The following MTMR7 variants were observed in gnomAD, a reference collection of about 807,000 sequenced individuals.
The protein encoded by MTMR7 is phosphatidylinositol-3-phosphate phosphatase MTMR7.
In MTMR7, 76 loss-of-function variants were observed where a neutral mutation model predicts 81.2. The ratio of observed to expected loss-of-function variants is 0.94; its 90% CI spans 0.78 to 1.13. The LOEUF is 1.13. Ranked by LOEUF, MTMR7 falls within the 50% of genes most tolerant of loss-of-function variation. The pLI is 0.00. For synonymous variants in MTMR7, 372 were observed against 289.8 expected (o/e 1.28, Z -2.88); for missense variants, 1,044 against 820.0 (o/e 1.27, Z -3.34).
At chr8:17,324,179 G>C (rs905322042) in intron 7 of MTMR7, among the ~76,000 whole-genome samples, 12 of 152,140 alleles carry the variant, frequency 7.9e-5, no homozygotes, top group African/African-American at 2.9e-4. Context: ...GTCAAAATTG[G>C]TTACTTCTTT....
Position 17,302,297 on chromosome 8 carries a change from A to G in MTMR7, c.1494-17T>C. 1 of 1,611,740 alleles carries G rather than the reference A, an allele frequency of 6.2e-7. No individual in the cohort carries two copies. Among genetic ancestry groups the G allele is most frequent in the Non-Finnish European group, 8.5e-7 (1 of 1,178,982 alleles). On this transcript the variant is annotated splice_polypyrimidine_tract_variant and intron_variant, in intron 12 of 13. Transcript: ENST00000180173. ...CTCCAAAACCTGGAAAGGATGGCAAAGCGTCGTGATACCACCTTATCACAG... is the reference window on the plus strand; with the variant it reads ...CTCCAAAACCTGGAAAGGATGGCAAGGCGTCGTGATACCACCTTATCACAG...
chr8:17,361,357 G>A (rs1276798106), intron 3 of MTMR7, 83 bp from the exon 4 acceptor site: 2 of 1,519,236 alleles, frequency 1.3e-6, no homozygotes, highest in Non-Finnish European at 1.8e-6. Context: ...TGTCCCACCT[G>A]GAGTGCCCAG....
At chr8:17,373,975 G>T (rs2150567155) in intron 1 of MTMR7, among the ~76,000 whole-genome samples, 1 of 152,270 alleles carries the variant, frequency 6.6e-6, no homozygotes, top group African/African-American at 2.4e-5. Context: ...TCTCTACAGA[G>T]CGAGAGAAAA....
intron 1 of MTMR7, among the ~76,000 whole-genome samples, chr8:17,395,632 G>C (rs1821223723): frequency 1.3e-5 from 2 of 152,178 alleles, no homozygotes; most frequent in African/African-American, 4.8e-5. Context: ...TGGGTATAAA[G>C]TGGTATCTTA....
At chr8:17,352,696 C>T (rs1046457559) in intron 4 of MTMR7, among the ~76,000 whole-genome samples, 2 of 152,012 alleles carry the variant, frequency 1.3e-5, no homozygotes, top group African/African-American at 4.8e-5. Flanking sequence ...TAGTAAATTG[C>T]GTATCTTAGG....
chr8:17,372,083 A>G (rs539028980), intron 2 of MTMR7, among the ~76,000 whole-genome samples: 1 of 152,040 alleles, frequency 6.6e-6, no homozygotes, highest in Admixed American at 6.6e-5. Context: ...TCTAAAGAGG[A>G]GATTAACTTT....
At chr8:17,351,757 G>C (rs1819735572) in intron 4 of MTMR7, among the ~76,000 whole-genome samples, 1 of 152,200 alleles carries the variant, frequency 6.6e-6, no homozygotes, top group African/African-American at 2.4e-5. Flanking sequence ...TACTTGCTCG[G>C]GGAACTCTAA....
At chr8:17,331,448 A>T (rs1819000180) in intron 6 of MTMR7, among the ~76,000 whole-genome samples, 166 bp from the exon 7 acceptor site, 1 of 152,246 alleles carries the variant, frequency 6.6e-6, no homozygotes, top group Non-Finnish European at 1.5e-5. Flanking sequence ...ACATAGCTTC[A>T]GGGACTCCTG....
At chr8:17,382,589 T>A (rs1820792950) in intron 1 of MTMR7, among the ~76,000 whole-genome samples, 1 of 152,344 alleles carries the variant, frequency 6.6e-6, no homozygotes, top group East Asian at 1.9e-4. Context: ...CTTCTTTTCT[T>A]TTTGCAATCT....
At chr8:17,410,219 G>A (rs577028422) in intron 1 of MTMR7, among the ~76,000 whole-genome samples, 24 of 152,296 alleles carry the variant, frequency 1.6e-4, no homozygotes, top group African/African-American at 5.5e-4. Context: ...CATTTGCAAG[G>A]TCTGTTTTGG....
chr8:17,299,230 A>T lies in MTMR7; in HGVS notation c.*632T>A, dbSNP rs1366441095. ...TTTAGCATTTTTAAATAATGAGGAG[A>T]AACAGACTATAGATCTCAGAGAAAA... On this transcript the variant is annotated 3_prime_UTR_variant, in exon 14 of 14. Coordinates refer to ENST00000180173, the MANE Select transcript of MTMR7 (RefSeq NM_004686.5). 1.3e-5 allele frequency: 2 copies of T among 152,250 alleles called. No individual in the cohort carries two copies. The highest frequency in any genetic ancestry group is 4.8e-5 in the African/African-American group (2 of 41,468). The allele number at this position is 152,250 out of a possible 1,614,324, so 9.4% of individuals were successfully genotyped here.
intron 1 of MTMR7, among the ~76,000 whole-genome samples, chr8:17,389,048 T>C (rs1374193240): frequency 6.6e-6 from 1 of 152,158 alleles, no homozygotes; most frequent in South Asian, 2.1e-4. Context: ...TAAGCAAAGC[T>C]GCATGATTGC....
chr8:17,304,345 A>T, intron 12 of MTMR7, 34 bp downstream of exon 12: 1 of 1,598,540 alleles, frequency 6.3e-7, no homozygotes, highest in South Asian at 1.1e-5. Flanking sequence ...CCAAGTTCAT[A>T]CCATGGCTAC....
At chr8:17,337,720 A>G (rs1819290478) in intron 6 of MTMR7, among the ~76,000 whole-genome samples, 1 of 152,116 alleles carries the variant, frequency 6.6e-6, no homozygotes. Context: ...GGCTTAAGCA[A>G]TCCTCCCACC....
At chr8:17,330,189 A>C (rs1214907512) in intron 7 of MTMR7, among the ~76,000 whole-genome samples, 9 of 152,240 alleles carry the variant, frequency 5.9e-5, no homozygotes, top group Non-Finnish European at 1.3e-4. Context: ...GATTAAACGA[A>C]GAACGGCTTA....
intron 1 of MTMR7, among the ~76,000 whole-genome samples, chr8:17,408,866 G>T (rs914269414): frequency 6.6e-6 from 1 of 152,078 alleles, no homozygotes; most frequent in Non-Finnish European, 1.5e-5. Context: ...TCTTTTGGGG[G>T]TGACAAAAGT....
chr8:17,403,361 A>G (rs935951786), intron 1 of MTMR7, among the ~76,000 whole-genome samples: 7 of 152,114 alleles, frequency 4.6e-5, no homozygotes, highest in African/African-American at 1.7e-4. Flanking sequence ...TGTCATTGGC[A>G]CTATTTTCGA....
At chr8:17,343,025 T>C (rs1819448593) in intron 5 of MTMR7, among the ~76,000 whole-genome samples, 1 of 152,088 alleles carries the variant, frequency 6.6e-6, no homozygotes, top group South Asian at 2.1e-4. Flanking sequence ...GGGGTCCTGT[T>C]TCCTTTAATC....
At chr8:17,370,889 G>T in intron 3 of MTMR7, 148 bp downstream of exon 3, 1 of 666,270 alleles carries the variant, frequency 1.5e-6, no homozygotes, top group Non-Finnish European at 2.3e-6. Context: ...TGTATCAGAT[G>T]ATCATTCGGG....
Sources: gnomAD v4.1 joint callset for allele counts (sites outside exome capture counted in the v4.1 genomes callset) on GRCh38, gnomAD v4.1.1 for gene constraint, MANE v1.5 for transcripts, NCBI Gene and HGNC (gene_info 2026-07-23, HGNC 2026-07-21) for gene names.